POMZP3: variants seen among roughly 807,000 people sequenced by gnomAD.
The protein encoded by POMZP3 is POM121 and ZP3 fusion.
Under a neutral mutation model 19.8 loss-of-function variants are expected in POMZP3, and 10 were observed. That is an observed-to-expected ratio of 0.51 (90% CI 0.31 to 0.86). The LOEUF (loss-of-function observed/expected upper bound fraction) is 0.86, where lower values mean the gene tolerates loss of function less well. Among genes scored for constraint, POMZP3 ranks in the 40% least tolerant of loss-of-function variants. POMZP3 has a pLI of 0.04. For missense variants in POMZP3, 152 were observed against 228.1 expected, an observed-to-expected ratio of 0.67 and a Z score of 2.15; for synonymous variants, 57 against 85.8, an observed-to-expected ratio of 0.66 and a Z score of 1.85.
chr7:76,614,776 G>C (rs1225253558), intron 4 of POMZP3, among the ~76,000 whole-genome samples: 1 of 81,732 alleles, frequency 1.2e-5, no homozygotes, highest in Non-Finnish European at 2.4e-5. Flanking sequence ...CAGGAGAATG[G>C]CTTGAATAAG....
At chr7:76,611,835 T>G in intron 4 of POMZP3, 22 bp from the exon 5 acceptor site, 3 of 1,539,850 alleles carry the variant, frequency 1.9e-6, no homozygotes, top group South Asian at 2.3e-5. Flanking sequence ...AACAGCTATT[T>G]CCAGGCCGAG....
In POMZP3 at chr7:76,611,550, C is replaced by T. The variant is rs1313655323; in HGVS notation, c.479G>A (p.Cys160Tyr). The T allele has an allele frequency of 6.2e-7, 1 of 1,604,132 alleles. No homozygotes were observed. Among genetic ancestry groups the T allele is most frequent in the Non-Finnish European group, 8.5e-7 (1 of 1,171,964 alleles). ...TGGAGTGCCACAGTCACCTTTGTTACAGCATTGACAGATGTCAGCCAGGCC... is the reference window on the plus strand; with the variant it reads ...TGGAGTGCCACAGTCACCTTTGTTATAGCATTGACAGATGTCAGCCAGGCC... ...VEGLADICQC[C>Y]NKGDCGTPSH... The change falls in exon 6 of 7, where the codon TGT becomes TAT. Residue 160 changes from cysteine to tyrosine, a missense_variant. Coordinates refer to ENST00000310842, the MANE Select transcript of POMZP3 (RefSeq NM_012230.5).
intron 3 of POMZP3, chr7:76,621,135 C>T (rs1038431095): frequency 6.7e-6 from 1 of 148,930 alleles, no homozygotes; most frequent in Non-Finnish European, 1.5e-5. Context: ...GGGTCCTGAG[C>T]TGGCGCCATC....
chr7:76,618,640 G>A (rs1165504534), intron 3 of POMZP3: 6 of 300,458 alleles, frequency 2.0e-5, no homozygotes, highest in Admixed American at 1.9e-4. Context: ...AAAAAGGAAC[G>A]TTCAAAATAG....
At position 76,626,034 on chromosome 7, in the gene POMZP3, C is replaced by T. The variant is rs762361424; in HGVS notation, c.31G>A (p.Ala11Thr). ...CGCGAAAATCTTCTGTCAGGAGGGG[C>T]GATCCTCAGAGTCACTGGGCTACAC... MVCSPVTLRI[A>T]PPDRRFSRSA... is the part of the protein sequence containing the mutation. The change falls in exon 2 of 7, where the codon GCC becomes ACC. Residue 11 changes from alanine to threonine, a missense_variant. By Grantham distance (58) the Ala-to-Thr change is moderately conservative. Transcript: ENST00000310842. 3 of 1,613,722 alleles carry T rather than the reference C, an allele frequency of 1.9e-6. No homozygotes were observed. Among genetic ancestry groups the T allele is most frequent in the East Asian group, 2.2e-5 (1 of 44,864 alleles).
chr7:76,622,374 GTTTT>G (rs757086256), intron 3 of POMZP3, among the ~76,000 whole-genome samples: 4,595 of 59,806 alleles, frequency 0.077, 19 homozygotes, highest in Middle Eastern at 0.12. Context: ...TCATTCTCAA[GTTTT>G]TTTTTTTTTT....
intron 4 of POMZP3, among the ~76,000 whole-genome samples, 177 bp from the exon 5 acceptor site, chr7:76,611,990 G>GGA (rs1815132608): frequency 6.6e-6 from 1 of 151,244 alleles, no homozygotes; most frequent in East Asian, 1.9e-4. Context: ...CCTGAGGTCA[G>GGA]GAGTTCGAGA....
rs201715313 is a variant in POMZP3 at position 76,623,477 on chromosome 7, G to A, written c.227+2045C>T. Among the ~76,000 whole-genome samples, 1,386 of 146,770 alleles carry A rather than the reference G, an allele frequency of 9.4e-3. 54 individuals carry two copies. The East Asian group carries it at 0.11, about 12-fold the overall frequency. On this transcript the variant is annotated intron_variant, in intron 3 of 6. Coordinates refer to ENST00000310842, the MANE Select transcript of POMZP3 (RefSeq NM_012230.5). ...TCATTGTAAATGAATATTCTGGTGTGTTGCTTTGGGATATATAAGTTGTTC... is the reference window on the plus strand; with the variant it reads ...TCATTGTAAATGAATATTCTGGTGTATTGCTTTGGGATATATAAGTTGTTC...
intron 3 of POMZP3, among the ~76,000 whole-genome samples, chr7:76,624,053 A>T (rs1815719030): frequency 7.7e-6 from 1 of 129,734 alleles, no homozygotes; most frequent in African/African-American, 3.0e-5. Context: ...AAAAAGAGTA[A>T]TTTTTTATTT....
intron 3 of POMZP3, among the ~76,000 whole-genome samples, chr7:76,619,065 G>C (rs1815404788): frequency 1.3e-5 from 2 of 152,114 alleles, no homozygotes. Flanking sequence ...TGAGATTACA[G>C]GCATGAGCCA....
intron 3 of POMZP3, among the ~76,000 whole-genome samples, chr7:76,619,080 G>A (rs1307981624): frequency 8.5e-5 from 13 of 152,104 alleles, no homozygotes; most frequent in African/African-American, 2.9e-4. Flanking sequence ...GAGCCACCAC[G>A]CCTGACTGAA....
At chr7:76,622,143 A>G (rs1341545002) in intron 3 of POMZP3, among the ~76,000 whole-genome samples, 14 of 147,396 alleles carry the variant, frequency 9.5e-5, no homozygotes, top group African/African-American at 3.5e-4. Context: ...GGAGGCATGA[A>G]TAATCCACCC....
In POMZP3 at chr7:76,614,417, G is replaced by A. The variant is rs1369346941; in HGVS notation, c.346-2604C>T. 5.5e-4 allele frequency among the ~76,000 whole-genome samples: 46 copies of A among 83,088 alleles called. 3 individuals are homozygous for A. The highest frequency in any genetic ancestry group is 2.3e-3 in the African/African-American group (44 of 19,002). 54.5% of individuals were successfully genotyped at this position (83,088 alleles called of 152,430 possible). A position where few individuals can be genotyped will look rare whatever the true frequency, so the allele number is the denominator to read the frequency against. ...AAAAAAAAAATACAGAAATTAGCTG[G>A]GCATGGTGGCAGGTGCCTATAATCC... is the stretch of plus-strand genomic sequence containing the variant. On this transcript the variant is annotated intron_variant, in intron 4 of 6. Coordinates refer to ENST00000310842, the MANE Select transcript of POMZP3 (RefSeq NM_012230.5).
chr7:76,619,319 C>T (rs1815418217), intron 3 of POMZP3, among the ~76,000 whole-genome samples: 2 of 152,084 alleles, frequency 1.3e-5, no homozygotes, highest in Admixed American at 6.6e-5. Flanking sequence ...ATCCAGGGGG[C>T]AGAGGTTGCA....
At position 76,626,025 on chromosome 7, in the gene POMZP3, C is replaced by G. The variant is rs1271824951; in HGVS notation, c.40G>C (p.Asp14His). The stretch of plus-strand genomic sequence containing the variant: ...ATCGCAGAACGCGAAAATCTTCTGT[C>G]AGGAGGGGCGATCCTCAGAGTCACT... ...SPVTLRIAPP[D>H]RRFSRSAIPE... Residue 14 changes from aspartate to histidine, a missense_variant, in exon 2 of 7, where the codon GAC becomes CAC. Asp to His is a moderately conservative substitution (Grantham distance 81, BLOSUM62 -1). Transcript: ENST00000310842. The G allele has an allele frequency of 1.2e-6, 2 of 1,613,836 alleles. No homozygotes were observed. Among genetic ancestry groups the G allele is most frequent in the Non-Finnish European group, 1.7e-6 (2 of 1,179,770 alleles).
rs398111465 is a variant in POMZP3, at chr7:76,623,197, T to TA, written c.227+2324dup. On this transcript the variant is annotated intron_variant, in intron 3 of 6. Coordinates refer to ENST00000310842, the MANE Select transcript of POMZP3 (RefSeq NM_012230.5). ...CAAATTGATTGTGGTTTTTTTTTTT[T>TA]ATTTCACTTTTCCCCCTGTGATACA... 9.3e-5 allele frequency among the ~76,000 whole-genome samples: 14 copies of TA among 149,818 alleles called. No homozygotes were observed. The East Asian group carries it at 9.7e-4, about 10-fold the overall frequency.
intron 6 of POMZP3, 86 bp from the exon 7 acceptor site, chr7:76,610,301 A>C (rs1158956713): frequency 7.9e-7 from 1 of 1,267,226 alleles, no homozygotes; most frequent in Middle Eastern, 1.8e-4. Flanking sequence ...TCAGTGGGCT[A>C]AACTAATATG....
In POMZP3 at chr7:76,626,861, G is replaced by C. The variant is rs960248187; in HGVS notation, c.-305C>G. Reference sequence around the variant, plus strand: ...CTATTCCGCAGGTCCTGGCCCTCCGGAGCGGGGGCGGGCTGCGGCGGCCCG... The same window carrying C: ...CTATTCCGCAGGTCCTGGCCCTCCGCAGCGGGGGCGGGCTGCGGCGGCCCG... On this transcript the variant is annotated 5_prime_UTR_variant, in exon 1 of 7. Transcript: ENST00000310842. 9 of 1,396,602 alleles carry C rather than the reference G, an allele frequency of 6.4e-6. No individual in the cohort carries two copies. The African/African-American group carries it at 8.1e-5, about 13-fold the overall frequency. The allele number at this position is 1,396,602 out of a possible 1,614,324, so 86.5% of individuals were successfully genotyped here. A position where few individuals can be genotyped will look rare whatever the true frequency, so the allele number is the denominator to read the frequency against.
chr7:76,610,900 G>A (rs1169950908), intron 6 of POMZP3, among the ~76,000 whole-genome samples: 2 of 146,628 alleles, frequency 1.4e-5, no homozygotes, highest in African/African-American at 2.6e-5. Flanking sequence ...TTGAGAGACA[G>A]TTTTACTCTT....
Sources: allele counts gnomAD v4.1 joint callset (sites outside exome capture counted in the v4.1 genomes callset), GRCh38; gene constraint gnomAD v4.1.1; transcripts MANE v1.5; gene names NCBI Gene and HGNC (gene_info 2026-07-23, HGNC 2026-07-21).